Variants in TENM2 observed in about 807,000 individuals in gnomAD.
TENM2 encodes teneurin-2.
In TENM2, 52 loss-of-function variants were observed where a neutral mutation model predicts 245.2. The ratio of observed to expected loss-of-function variants is 0.21; its 90% CI spans 0.17 to 0.27. The LOEUF is 0.27. Ranked by LOEUF, TENM2 falls within the 10% of genes least tolerant of loss-of-function variation. The pLI, the probability that TENM2 is intolerant of heterozygous loss-of-function variation, is 1.00. For synonymous variants in TENM2, 1,363 were observed against 1,438.9 expected, an observed-to-expected ratio of 0.95 and a Z score of 1.19; for missense variants, 3,046 against 3,666.8, an observed-to-expected ratio of 0.83 and a Z score of 4.37.
the TENM2 span, among the ~76,000 whole-genome samples, chr5:167,150,775 C>T: frequency 6.6e-6 from 1 of 152,160 alleles, no homozygotes; most frequent in Non-Finnish European, 1.5e-5. Flanking sequence ...AGATTTCAAC[C>T]TAGAGCCTGG....
intron 4 of TENM2, among the ~76,000 whole-genome samples, chr5:167,974,122 GGAAGGAAGGAAGGAAGGAAGGGAA>G (rs1782109741): frequency 1.7e-3 from 1 of 576 alleles, no homozygotes; most frequent in African/African-American, 7.2e-3. Context: ...GAGGGAGGAA[GGAAGGAAGGAAGGAAGGAAGGGAA>G]GGAAGGAAGG....
chr5:167,462,618 CTCTTCTCCAACT>C (rs1766387963), intron 2 of TENM2, among the ~76,000 whole-genome samples: 2 of 152,004 alleles, frequency 1.3e-5, no homozygotes, highest in African/African-American at 4.8e-5. Context: ...CATGGCCAAT[CTCTTCTCCAACT>C]GTCCCCAGCA....
the TENM2 span, among the ~76,000 whole-genome samples, chr5:167,260,241 C>T: frequency 1.3e-5 from 2 of 152,054 alleles, no homozygotes; most frequent in Admixed American, 1.3e-4. Context: ...TTTATTTCTT[C>T]ATTAACAGTA....
intron 2 of TENM2, among the ~76,000 whole-genome samples, chr5:167,596,845 T>G (rs930085598): frequency 6.6e-6 from 1 of 151,186 alleles, no homozygotes; most frequent in South Asian, 2.1e-4. Context: ...CATCAAGAGA[T>G]AACTCTTCTT....
the TENM2 span, among the ~76,000 whole-genome samples, chr5:167,045,855 A>C: frequency 1.3e-5 from 2 of 152,326 alleles, no homozygotes; most frequent in African/African-American, 4.8e-5. Context: ...TAGGGAGTCC[A>C]ATCTGCACTT....
intron 25 of TENM2, among the ~76,000 whole-genome samples, chr5:168,238,280 A>AAAAGG (rs1765780769): frequency 6.6e-6 from 1 of 151,344 alleles, no homozygotes; most frequent in Non-Finnish European, 1.5e-5. Flanking sequence ...AAAAGAAAAG[A>AAAAGG]AAAGAAAAGA....
intron 2 of TENM2, among the ~76,000 whole-genome samples, chr5:167,423,981 T>G (rs1763663489): frequency 6.6e-6 from 1 of 152,180 alleles, no homozygotes; most frequent in African/African-American, 2.4e-5. Context: ...TGCCTCAGAT[T>G]ATCTCTTTAG....
chr5:167,097,970 A>G, the TENM2 span, among the ~76,000 whole-genome samples: 3 of 152,210 alleles, frequency 2.0e-5, no homozygotes, highest in African/African-American at 7.2e-5. Flanking sequence ...CAATATTAGA[A>G]TGATGTTACT....
chr5:168,202,256 A>G (rs1762000579), intron 17 of TENM2, among the ~76,000 whole-genome samples: 1 of 152,170 alleles, frequency 6.6e-6, no homozygotes, highest in Admixed American at 6.5e-5. Flanking sequence ...GAATAGATAA[A>G]TGCTTGATTA....
the TENM2 span, among the ~76,000 whole-genome samples, chr5:167,034,141 A>G: frequency 6.6e-6 from 1 of 152,194 alleles, no homozygotes; most frequent in East Asian, 1.9e-4. Context: ...TTGTTTGCCT[A>G]CAACTAAGAC....
At chr5:167,347,229 A>G (rs1024476170) in intron 1 of TENM2, among the ~76,000 whole-genome samples, 10 of 152,074 alleles carry the variant, frequency 6.6e-5, no homozygotes, top group African/African-American at 2.2e-4. Context: ...AACAGATAAT[A>G]TCTTGATCAT....
At chr5:168,084,083 G>GA (rs1562137705) in intron 7 of TENM2, among the ~76,000 whole-genome samples, 1 of 152,036 alleles carries the variant, frequency 6.6e-6, no homozygotes, top group African/African-American at 2.4e-5. Context: ...CCATATTGCT[G>GA]AAAAAAATAT....
chr5:167,377,562 T>C (rs910089666), intron 2 of TENM2, among the ~76,000 whole-genome samples: 1 of 152,202 alleles, frequency 6.6e-6, no homozygotes, highest in African/African-American at 2.4e-5. Flanking sequence ...ATAATGTATC[T>C]TCTGTTCTCA....
chr5:168,229,322 G>A (rs1484143578), intron 25 of TENM2, among the ~76,000 whole-genome samples: 3 of 151,914 alleles, frequency 2.0e-5, no homozygotes, highest in South Asian at 2.1e-4. Context: ...CTGCTTATCC[G>A]TGGTCATCCA....
the TENM2 span, among the ~76,000 whole-genome samples, chr5:167,267,566 G>A: frequency 4.2e-4 from 64 of 152,160 alleles, no homozygotes; most frequent in African/African-American, 1.3e-3. Flanking sequence ...ACTGTCTCCC[G>A]CAGAACCTTT....
chr5:167,876,159 A>G (rs1480070524), exon 3 of TENM2: 2 of 1,551,648 alleles, frequency 1.3e-6, no homozygotes, highest in Admixed American at 2.0e-5. Flanking sequence ...ATACCTGCTC[A>G]GAGCATGCTC....
At chr5:167,404,893 T>C (rs542217767) in intron 2 of TENM2, among the ~76,000 whole-genome samples, 1 of 152,260 alleles carries the variant, frequency 6.6e-6, no homozygotes, top group South Asian at 2.1e-4. Flanking sequence ...AGAGTATTTT[T>C]ATCACCCCAG....
At chr5:168,165,648 A>ACCC (rs34203413) in intron 13 of TENM2, among the ~76,000 whole-genome samples, 37 of 30,944 alleles carry the variant, frequency 1.2e-3, no homozygotes, top group Admixed American at 1.8e-3. Context: ...CCCCCCCCCA[A>ACCC]CCCCCCCCCC....
chr5:168,216,436 C>A (rs557171278), intron 21 of TENM2, among the ~76,000 whole-genome samples: 1 of 152,306 alleles, frequency 6.6e-6, no homozygotes, highest in East Asian at 1.9e-4. Flanking sequence ...GAAATAACTT[C>A]TTTTCTAAGG....
Sources: gnomAD v4.1 joint callset for allele counts (sites outside exome capture counted in the v4.1 genomes callset) on GRCh38, gnomAD v4.1.1 for gene constraint, MANE v1.5 for transcripts, NCBI Gene and HGNC (gene_info 2026-07-23, HGNC 2026-07-21) for gene names.